Variants in SPON1 observed in about 807,000 individuals in gnomAD.
SPON1 encodes the protein spondin 1, also known as spondin-1.
A neutral mutation model predicts 111.7 loss-of-function variants in SPON1; 52 were observed. The ratio of observed to expected loss-of-function variants is 0.47; its 90% CI spans 0.37 to 0.59. SPON1 has a LOEUF of 0.59. SPON1 is among the 20% of genes least tolerant of loss of function. The probability of loss-of-function intolerance (pLI) is 0.00; values close to 1 mark genes in which losing one functional copy is unlikely to be tolerated. For synonymous variants in SPON1, 410 were observed against 395.8 expected, an observed-to-expected ratio of 1.04 and a Z score of -0.43; for missense variants, 957 against 1,068.5, an observed-to-expected ratio of 0.90 and a Z score of 1.46.
intron 2 of SPON1, among the ~76,000 whole-genome samples, chr11:13,997,247 C>T (rs1848280479): frequency 6.6e-6 from 1 of 152,162 alleles, no homozygotes; most frequent in Non-Finnish European, 1.5e-5. Flanking sequence ...TTTCAGGCTG[C>T]TCTAACTACT....
At chr11:14,005,256 G>A (rs988428863) in intron 2 of SPON1, among the ~76,000 whole-genome samples, 8 of 152,174 alleles carry the variant, frequency 5.3e-5, no homozygotes, top group African/African-American at 1.4e-4. Flanking sequence ...CCTCTGGGAT[G>A]GTTGGCAGCA....
Position 14,228,156 on chromosome 11 carries a change from G to A in SPON1, c.826-15176G>A, listed in dbSNP as rs117187306. Among the ~76,000 whole-genome samples the A allele has an allele frequency of 0.021, 3,174 of 152,266 alleles. 46 individuals are homozygous for A. Among genetic ancestry groups the A allele is most frequent in the Non-Finnish European group, 0.031 (2,104 of 68,018 alleles). ...CAATCTCGATGCAATGCTGACCCTC[G>A]TAGCCTGGGTCCTTCCGAGTTTGGT... is the stretch of plus-strand genomic sequence containing the variant. On this transcript the variant is annotated intron_variant, in intron 6 of 15. Coordinates refer to ENST00000576479, the MANE Select transcript of SPON1 (RefSeq NM_006108.4). This position sits in a 1 kb window ranked among gnomAD's most constrained non-coding sequence, Gnocchi z 4.2.
chr11:14,224,327 C>T (rs1848713695), intron 6 of SPON1, among the ~76,000 whole-genome samples: 1 of 152,040 alleles, frequency 6.6e-6, no homozygotes, highest in African/African-American at 2.4e-5. Flanking sequence ...CTAAGCTAAA[C>T]CAAGCGGTCA....
chr11:14,130,813 C>T (rs1314443513), intron 5 of SPON1, among the ~76,000 whole-genome samples: 1 of 151,536 alleles, frequency 6.6e-6, no homozygotes, highest in Non-Finnish European at 1.5e-5. Context: ...CTTGCTCTCA[C>T]CTAATTATAT....
intron 6 of SPON1, among the ~76,000 whole-genome samples, chr11:14,220,473 G>A (rs1554937500): frequency 6.6e-6 from 1 of 152,038 alleles, no homozygotes; most frequent in Non-Finnish European, 1.5e-5. Context: ...AGGCTGTTTT[G>A]GGCAATCCTT....
intron 6 of SPON1, among the ~76,000 whole-genome samples, chr11:14,165,208 T>G (rs912845983): frequency 9.4e-5 from 14 of 149,204 alleles, no homozygotes; most frequent in African/African-American, 3.5e-4. Flanking sequence ...GCTTGGAGGT[T>G]AGAAGCAAGA....
At chr11:14,250,957 AG>A (rs1387190739) in intron 7 of SPON1, among the ~76,000 whole-genome samples, 1 of 152,240 alleles carries the variant, frequency 6.6e-6, no homozygotes, top group African/African-American at 2.4e-5. Context: ...TGGCATGCCA[AG>A]TTCTAAGCCA....
intron 6 of SPON1, among the ~76,000 whole-genome samples, chr11:14,195,460 A>G (rs897507817): frequency 6.6e-6 from 1 of 152,198 alleles, no homozygotes; most frequent in Non-Finnish European, 1.5e-5. Context: ...ACAATACAAC[A>G]TAATGCCACA....
chr11:14,152,173 T>C (rs1213617666), intron 6 of SPON1, among the ~76,000 whole-genome samples: 1 of 152,186 alleles, frequency 6.6e-6, no homozygotes, highest in Non-Finnish European at 1.5e-5. Context: ...CATAGTACAT[T>C]GAGAAGTGTC....
At chr11:14,250,126 G>C (rs1271342140) in intron 7 of SPON1, among the ~76,000 whole-genome samples, 3 of 152,098 alleles carry the variant, frequency 2.0e-5, no homozygotes, top group African/African-American at 7.2e-5. Flanking sequence ...AGATAATATA[G>C]ATATTAACAC....
In SPON1 at chr11:14,039,996, CAGTT is replaced by C. The variant is rs142847781; in HGVS notation, c.346-1522_346-1519del. On this transcript the variant is annotated intron_variant, in intron 2 of 15. Coordinates refer to ENST00000576479, the MANE Select transcript of SPON1 (RefSeq NM_006108.4). Reference sequence around the variant, plus strand: ...TACATTATAAGCATCAGATTGGAAACAGTTAGAAAATCCAGTAATAACAAGTACT... The same window carrying C: ...TACATTATAAGCATCAGATTGGAAACAGAAAATCCAGTAATAACAAGTACT... Among the ~76,000 whole-genome samples the C allele has an allele frequency of 2.1e-3, 322 of 152,178 alleles. 2 individuals carry two copies. The highest frequency in any genetic ancestry group is 7.1e-3 in the African/African-American group (293 of 41,536).
At chr11:14,003,711 C>T (rs1304590397) in intron 2 of SPON1, among the ~76,000 whole-genome samples, 2 of 152,054 alleles carry the variant, frequency 1.3e-5, no homozygotes, top group Non-Finnish European at 2.9e-5. Context: ...AGATAGTATA[C>T]ATAATGATAT....
rs1564919667 is a variant in SPON1 at position 14,160,889 on chromosome 11, A to ATATATATTTATATATTTATATATATATT, written c.825+25365_825+25392dup. ...TATATTTTTATATTTTTATATATTTATATATATTTATATATTTATATATAT... is the reference window on the plus strand; with the variant it reads ...TATATTTTTATATTTTTATATATTTATATATATTTATATATTTATATATATATTTATATATTTATATATTTATATATAT... On this transcript the variant is annotated intron_variant, in intron 6 of 15. Transcript: ENST00000576479. Among the ~76,000 whole-genome samples the ATATATATTTATATATTTATATATATATT allele has an allele frequency of 9.9e-5, 5 of 50,262 alleles. 1 individual carries two copies. The highest frequency in any genetic ancestry group is 1.3e-4 in the Non-Finnish European group (4 of 30,948). The allele number at this position is 50,262 out of a possible 152,430, so 33.0% of individuals were successfully genotyped here. A position where few individuals can be genotyped will look rare whatever the true frequency, so the allele number is the denominator to read the frequency against.
At chr11:14,196,866 A>G (rs1554935137) in intron 6 of SPON1, among the ~76,000 whole-genome samples, 1 of 152,198 alleles carries the variant, frequency 6.6e-6, no homozygotes, top group African/African-American at 2.4e-5. Flanking sequence ...ACTGGCCAAC[A>G]TGGCGAAACT....
chr11:14,175,768 C>T lies in SPON1; in HGVS notation c.825+40200C>T, dbSNP rs146438241. On this transcript the variant is annotated intron_variant, in intron 6 of 15. Coordinates refer to ENST00000576479, the MANE Select transcript of SPON1 (RefSeq NM_006108.4). ...TCCAGAAGAACCGAGTGGCTTCTGG[C>T]GACCCTGCTCACTTGTGCTATAGCT... 2.2e-3 allele frequency among the ~76,000 whole-genome samples: 331 copies of T among 152,216 alleles called. 1 individual carries two copies. Among genetic ancestry groups the T allele is most frequent in the African/African-American group, 7.1e-3 (296 of 41,516 alleles).
intron 6 of SPON1, among the ~76,000 whole-genome samples, chr11:14,160,955 A>T (rs1235619293): frequency 4.7e-4 from 22 of 46,742 alleles, no homozygotes; most frequent in African/African-American, 1.6e-3. Flanking sequence ...TTATATATTT[A>T]TATATATTTA....
intron 6 of SPON1, among the ~76,000 whole-genome samples, chr11:14,174,410 A>G (rs1161314773): frequency 2.0e-5 from 3 of 152,198 alleles, no homozygotes; most frequent in African/African-American, 7.2e-5. Context: ...CTACCTAGTT[A>G]TAATGTGAAG....
chr11:14,135,999 GTCGTTCGTTCATCATAA>G lies in SPON1; in HGVS notation c.825+434_825+450del, dbSNP rs1554928042. 6.6e-6 allele frequency among the ~76,000 whole-genome samples: 1 copy of G among 152,182 alleles called. No homozygotes were observed. Among genetic ancestry groups the G allele is most frequent in the Non-Finnish European group, 1.5e-5 (1 of 68,048 alleles). On this transcript the variant is annotated intron_variant, in intron 6 of 15. Transcript: ENST00000576479. The surrounding 1 kb of genome is among the most constrained non-coding windows in gnomAD (Gnocchi z 4.4). ...ATGTCTTGAGGTACTTGATAAATTA[GTCGTTCGTTCATCATAA>G]TCATTATGGACTGAGGCATCTTCTG...
chr11:14,147,016 C>CTTTTTTTT (rs1564915432), intron 6 of SPON1, among the ~76,000 whole-genome samples: 1 of 123,236 alleles, frequency 8.1e-6, no homozygotes, highest in African/African-American at 3.1e-5. Flanking sequence ...CATGAAAGAA[C>CTTTTTTTT]CTTTTTTTTT....
Sources: allele counts gnomAD v4.1 joint callset (sites outside exome capture counted in the v4.1 genomes callset), GRCh38; gene constraint gnomAD v4.1.1; non-coding constraint Gnocchi (gnomAD v3.1); transcripts MANE v1.5; gene names NCBI Gene and HGNC (gene_info 2026-07-23, HGNC 2026-07-21).